ZNF419: variants seen among roughly 807,000 people sequenced by gnomAD.
The protein encoded by ZNF419 is zinc finger protein 419, also known as zinc finger protein 419A.
Under a neutral mutation model 14.9 loss-of-function variants are expected in ZNF419, and 8 were observed. That is an observed-to-expected ratio of 0.54 (90% CI 0.32 to 0.97). ZNF419 has a LOEUF of 0.97. Ranked by LOEUF, ZNF419 falls within the 50% of genes least tolerant of loss-of-function variation. ZNF419 has a pLI of 0.04. For synonymous variants in ZNF419, 211 were observed against 205.3 expected (o/e 1.03, Z -0.24); for missense variants, 595 against 607.2 (o/e 0.98, Z 0.21).
At position 57,487,931 on chromosome 19, in the gene ZNF419, A is replaced by C. The variant is rs766545317; in HGVS notation, c.-20A>C. On this transcript the variant is annotated 5_prime_UTR_variant, in exon 1 of 5. Coordinates refer to ENST00000221735, the MANE Select transcript of ZNF419 (RefSeq NM_024691.4). ...TTTCCTCGGTCATTGTCTCCCCTCC[A>C]GCTCTACTCACAGGCTCCGATGGCG... 6.2e-7 allele frequency: 1 copy of C among 1,613,062 alleles called. No individual in the cohort carries two copies. The highest frequency in any genetic ancestry group is 1.7e-5 in the Admixed American group (1 of 60,004).
chr19:57,493,458 A>G lies in ZNF419; in HGVS notation c.901A>G (p.Thr301Ala), dbSNP rs773093562. The G allele has an allele frequency of 2.5e-6, 4 of 1,614,138 alleles. No individual in the cohort carries two copies. Among genetic ancestry groups the G allele is most frequent in the African/African-American group, 1.3e-5 (1 of 75,032 alleles). ...ECGKAFRHNSTLVQHHKIHTG... is the reference protein window; with the variant it reads ...ECGKAFRHNSALVQHHKIHTG... Reference sequence around the variant, plus strand: ...TGGAAAAGCTTTCAGGCATAATTCCACACTTGTTCAGCATCACAAAATCCA... The same window carrying G: ...TGGAAAAGCTTTCAGGCATAATTCCGCACTTGTTCAGCATCACAAAATCCA... The change falls in exon 5 of 5, where the codon ACA (threonine) becomes GCA (alanine). Residue 301 changes from threonine (T) to alanine (A), a missense_variant. Transcript: ENST00000221735.
At chr19:57,492,705 C>A in intron 4 of ZNF419, 151 bp from the exon 5 acceptor site, 1 of 1,105,502 alleles carries the variant, frequency 9.0e-7, no homozygotes, top group Non-Finnish European at 1.4e-6. Context: ...CAGCACTGCA[C>A]AGCAGGCCCT....
chr19:57,493,179 T>C lies in ZNF419; in HGVS notation c.622T>C (p.Cys208Arg), dbSNP rs756728368. ...AAAAAGGCATTACAAATGCAGTGAA[T>C]GTGGGAAAGCCTTTGGTCAGAAATA... is the stretch of plus-strand genomic sequence containing the variant. ...AGKRHYKCSE[C>R]GKAFGQKYLL... Residue 208 changes from cysteine (C) to arginine (R), a missense_variant, in exon 5 of 5, where the codon TGT (cysteine) becomes CGT (arginine). Transcript: ENST00000221735. 15 of 1,614,050 alleles carry C rather than the reference T, an allele frequency of 9.3e-6. No individual in the cohort carries two copies. Among genetic ancestry groups the C allele is most frequent in the Admixed American group, 1.7e-5 (1 of 60,002 alleles).
chr19:57,487,796 T>G lies in ZNF419; in HGVS notation c.-155T>G. The G allele has an allele frequency of 9.5e-7, 1 of 1,053,102 alleles. No homozygotes were observed. Among genetic ancestry groups the G allele is most frequent in the South Asian group, 1.4e-5 (1 of 72,554 alleles). 65.2% of individuals were successfully genotyped at this position (1,053,102 alleles called of 1,614,324 possible). On this transcript the variant is annotated 5_prime_UTR_variant, in exon 1 of 5. Coordinates refer to ENST00000221735, the MANE Select transcript of ZNF419 (RefSeq NM_024691.4). ...GGTGAACTAACCTGCGAGAAGCTGG[T>G]TGTGCGCTGAGGCGACCAGCGCCGG...
rs111825322 is a variant in ZNF419 at position 57,487,770 on chromosome 19, A to G, written c.-181A>G. 2 of 791,638 alleles carry G rather than the reference A, an allele frequency of 2.5e-6. No homozygotes were observed. The highest frequency in any genetic ancestry group is 4.1e-6 in the Non-Finnish European group (2 of 487,608). 49.0% of individuals were successfully genotyped at this position (791,638 alleles called of 1,614,324 possible). A position where few individuals can be genotyped will look rare whatever the true frequency, so the allele number is the denominator to read the frequency against. ...CGTTTGGTATTCACTTTCGCGACTCAGGTGAACTAACCTGCGAGAAGCTGG... is the reference window on the plus strand; with the variant it reads ...CGTTTGGTATTCACTTTCGCGACTCGGGTGAACTAACCTGCGAGAAGCTGG... On this transcript the variant is annotated 5_prime_UTR_variant, in exon 1 of 5. Coordinates refer to ENST00000221735, the MANE Select transcript of ZNF419 (RefSeq NM_024691.4).
Position 57,495,202 on chromosome 19 carries a change from T to C in ZNF419, c.*1112T>C, listed in dbSNP as rs1258015122. 6.6e-6 allele frequency: 1 copy of C among 152,230 alleles called. No individual in the cohort carries two copies. The highest frequency in any genetic ancestry group is 1.5e-5 in the Non-Finnish European group (1 of 68,060). 9.4% of individuals were successfully genotyped at this position (152,230 alleles called of 1,614,324 possible). A position where few individuals can be genotyped will look rare whatever the true frequency, so the allele number is the denominator to read the frequency against. ...ATTTAGAGATGAGGTCGTGCTATGTTGCACAGACTAGTCTCTAACTCCTGG... is the reference window on the plus strand; with the variant it reads ...ATTTAGAGATGAGGTCGTGCTATGTCGCACAGACTAGTCTCTAACTCCTGG... On this transcript the variant is annotated 3_prime_UTR_variant, in exon 5 of 5. Transcript: ENST00000221735.
intron 2 of ZNF419, 134 bp from the exon 3 acceptor site, chr19:57,491,337 G>C (rs1439645797): frequency 1.5e-6 from 2 of 1,374,034 alleles, no homozygotes; most frequent in African/African-American, 2.9e-5. Flanking sequence ...GTGGGCATCA[G>C]TGGCTCTGGG....
chr19:57,487,884 G>C lies in ZNF419; in HGVS notation c.-67G>C, dbSNP rs1300560638. 12 of 1,609,824 alleles carry C rather than the reference G, an allele frequency of 7.5e-6. No individual in the cohort carries two copies. The highest frequency in any genetic ancestry group is 1.0e-5 in the Non-Finnish European group (12 of 1,177,262). Reference sequence around the variant, plus strand: ...GAGGCGGGTCTGAGGCTCGGTGGCGGCGCCCAGGGTGGCCCGGGCCCTTTC... The same window carrying C: ...GAGGCGGGTCTGAGGCTCGGTGGCGCCGCCCAGGGTGGCCCGGGCCCTTTC... On this transcript the variant is annotated 5_prime_UTR_variant, in exon 1 of 5. Transcript: ENST00000221735.
Position 57,494,678 on chromosome 19 carries a change from AT to A in ZNF419, c.*591del. ...TTATTTCCCATACACCCTTATGACC[AT>A]TTCCAGAGACTGAATTGTGTTTTTA... On this transcript the variant is annotated 3_prime_UTR_variant, in exon 5 of 5. Coordinates refer to ENST00000221735, the MANE Select transcript of ZNF419 (RefSeq NM_024691.4). 1 of 174,598 alleles carries A rather than the reference AT, an allele frequency of 5.7e-6. No homozygotes were observed. Among genetic ancestry groups the A allele is most frequent in the Non-Finnish European group, 1.2e-5 (1 of 83,420 alleles). 10.8% of individuals were successfully genotyped at this position (174,598 alleles called of 1,614,324 possible). A position where few individuals can be genotyped will look rare whatever the true frequency, so the allele number is the denominator to read the frequency against.
chr19:57,495,103 A>C lies in ZNF419; in HGVS notation c.*1013A>C, dbSNP rs2123223082. On this transcript the variant is annotated 3_prime_UTR_variant, in exon 5 of 5. Transcript: ENST00000221735. ...CAAGTTCTTAATATTTCTGGAGACA[A>C]ATTCCTTATTTGATATAAGCATTGT... 6.6e-6 allele frequency: 1 copy of C among 152,326 alleles called. No homozygotes were observed. The highest frequency in any genetic ancestry group is 6.5e-5 in the Admixed American group (1 of 15,302). 9.4% of individuals were successfully genotyped at this position (152,326 alleles called of 1,614,324 possible).
intron 1 of ZNF419, 129 bp downstream of exon 1, chr19:57,488,112 G>A: frequency 7.1e-7 from 1 of 1,417,942 alleles, no homozygotes; most frequent in Non-Finnish European, 9.6e-7. Context: ...CAGTGTGATG[G>A]GGTGGCAATG....
intron 2 of ZNF419, chr19:57,491,076 A>G (rs6510082): frequency 0.69 from 138,039 of 199,628 alleles, 48,034 homozygotes; most frequent in South Asian, 0.79. Context: ...GGTGATGTAG[A>G]GGGTAGTGGT....
chr19:57,489,996 C>T, intron 1 of ZNF419, 151 bp from the exon 2 acceptor site: 1 of 657,340 alleles, frequency 1.5e-6, no homozygotes, highest in Non-Finnish European at 2.7e-6. Context: ...GAGCACTTTT[C>T]CAAGGGCACA....
At chr19:57,489,889 C>T (rs1421967567) in intron 1 of ZNF419, 1 of 489,736 alleles carries the variant, frequency 2.0e-6, no homozygotes, top group Non-Finnish European at 3.7e-6. Context: ...TAGTCCTAGA[C>T]ACATAAGAAT....
rs1461313193 is a variant in ZNF419 at position 57,494,079 on chromosome 19, G to A, written c.1522G>A (p.Glu508Lys). Reference protein sequence around the residue: ...LFKHRRIHTGEMQ With the variant: ...LFKHRRIHTGKMQ ...TAAACATCGAAGGATTCACACTGGA[G>A]AAATGCAGTGATTGTGTGAAATCCT... Residue 508 changes from glutamate (E) to lysine (K), a missense_variant, in exon 5 of 5, where the codon GAA (glutamate) becomes AAA (lysine). By Grantham distance (56) the Glu-to-Lys change is moderately conservative. Transcript: ENST00000221735. 1 of 1,596,368 alleles carries A rather than the reference G, an allele frequency of 6.3e-7. No individual in the cohort carries two copies. Among genetic ancestry groups the A allele is most frequent in the East Asian group, 2.2e-5 (1 of 44,746 alleles).
chr19:57,490,109 C>T (rs776870587), intron 1 of ZNF419, 38 bp from the exon 2 acceptor site: 115 of 1,604,632 alleles, frequency 7.2e-5, no homozygotes, highest in Non-Finnish European at 9.4e-5. Context: ...CCTTTGGCAA[C>T]ATCACTGTCT....
At chr19:57,489,318 T>C (rs2089428986) in intron 1 of ZNF419, 1 of 152,164 alleles carries the variant, frequency 6.6e-6, no homozygotes, top group Non-Finnish European at 1.5e-5. Flanking sequence ...CAGGGGCAAA[T>C]AAAACAACAC....
intron 2 of ZNF419, 40 bp from the exon 3 acceptor site, chr19:57,491,431 A>G (rs746385188): frequency 7.5e-6 from 12 of 1,608,070 alleles, no homozygotes; most frequent in Non-Finnish European, 1.0e-5. Context: ...TTTCCCAGTA[A>G]GGAGGCTGCA....
At chr19:57,492,653 G>A in intron 4 of ZNF419, 1 of 790,036 alleles carries the variant, frequency 1.3e-6, no homozygotes, top group East Asian at 2.4e-5. Context: ...TTGCATCCTT[G>A]GTGCTCATGA....
Sources: allele counts gnomAD v4.1 joint callset, GRCh38; gene constraint gnomAD v4.1.1; transcripts MANE v1.5; gene names NCBI Gene and HGNC (gene_info 2026-07-23, HGNC 2026-07-21).